The following PIP5KL1 variants were observed in gnomAD, a reference collection of about 807,000 sequenced individuals.
The protein encoded by PIP5KL1 is phosphatidylinositol-4-phosphate 5-kinase like 1.
PIP5KL1 carries 45 observed loss-of-function variants against 47.6 expected under a neutral mutation model. The ratio of observed to expected loss-of-function variants is 0.94; its 90% CI spans 0.74 to 1.21. PIP5KL1 has a LOEUF of 1.21. Among genes scored for constraint, PIP5KL1 ranks in the 50% most tolerant of loss-of-function variants. The pLI, the probability that PIP5KL1 is intolerant of heterozygous loss-of-function variation, is 0.00. For synonymous variants in PIP5KL1, 256 were observed against 234.6 expected (o/e 1.09, Z -0.84); for missense variants, 577 against 547.6 (o/e 1.05, Z -0.54).
rs772349523 is a variant in PIP5KL1, at chr9:127,928,031, T to TCCCACCCCTGC, written c.434+23_434+33dup. ...CTGCCCTCCCAGCCAGGGGTACCAC[T>TCCCACCCCTGC]CCCACCCCTGCCCCACCCCTGCCGC... On this transcript the variant is annotated intron_variant, in intron 4 of 9. Coordinates refer to ENST00000388747, the MANE Select transcript of PIP5KL1 (RefSeq NM_001135219.2). 7.4e-6 allele frequency: 11 copies of TCCCACCCCTGC among 1,496,458 alleles called. No individual in the cohort carries two copies. The East Asian group carries it at 1.7e-4, about 23-fold the overall frequency. The allele number at this position is 1,496,458 out of a possible 1,614,324, so 92.7% of individuals were successfully genotyped here. A position where few individuals can be genotyped will look rare whatever the true frequency, so the allele number is the denominator to read the frequency against.
chr9:127,925,067 C>G, intron 9 of PIP5KL1, 40 bp downstream of exon 9: 2 of 1,609,250 alleles, frequency 1.2e-6, no homozygotes, highest in South Asian at 2.2e-5. Context: ...CCCTTACTCT[C>G]ACCACCTCAA....
intron 9 of PIP5KL1, among the ~76,000 whole-genome samples, chr9:127,924,779 T>C (rs935722374): frequency 4.0e-5 from 6 of 151,306 alleles, no homozygotes; most frequent in Non-Finnish European, 4.4e-5. Context: ...TCACCAAAGC[T>C]CTTCTCCAAC....
At chr9:127,924,523 G>A (rs1831331789) in intron 9 of PIP5KL1, among the ~76,000 whole-genome samples, 1 of 151,260 alleles carries the variant, frequency 6.6e-6, no homozygotes, top group Non-Finnish European at 1.5e-5. Flanking sequence ...CAGGCATGGT[G>A]GGGATGCCTG....
intron 9 of PIP5KL1, among the ~76,000 whole-genome samples, chr9:127,923,235 TC>T (rs149007539): frequency 2.0e-4 from 31 of 152,312 alleles, no homozygotes; most frequent in African/African-American, 7.0e-4. Context: ...TCCTGTCCTG[TC>T]TGGGTCTCGG....
Position 127,925,727 on chromosome 9 carries a change from G to C in PIP5KL1, c.763+140C>G, listed in dbSNP as rs139394401. ...AATCCACCTGTCTCGGCCTCCCAAA[G>C]TGCTGGAATTACAGGCGTGAGCCAC... On this transcript the variant is annotated intron_variant, in intron 8 of 9. Transcript: ENST00000388747. 5.1e-5 allele frequency: 37 copies of C among 720,322 alleles called. No homozygotes were observed. In the East Asian group the frequency reaches 9.9e-4, roughly 19 times the overall value. 44.6% of individuals were successfully genotyped at this position (720,322 alleles called of 1,614,324 possible). A position where few individuals can be genotyped will look rare whatever the true frequency, so the allele number is the denominator to read the frequency against.
In PIP5KL1 at chr9:127,922,130, A is replaced by T. The variant is rs1260413096; in HGVS notation, c.918-16T>A. The T allele has an allele frequency of 3.4e-6, 5 of 1,469,772 alleles. No individual in the cohort carries two copies. Among genetic ancestry groups the T allele is most frequent in the Admixed American group, 2.3e-5 (1 of 43,008 alleles). The allele number at this position is 1,469,772 out of a possible 1,614,324, so 91.0% of individuals were successfully genotyped here. ...TTGCACAGACCTGGGGGCCGACAGG[A>T]GGGTGAAGCTGCCAGCTCCTCCAGG... On this transcript the variant is annotated splice_polypyrimidine_tract_variant and intron_variant, in intron 9 of 9. Transcript: ENST00000388747.
chr9:127,926,542 G>GCA (rs1362769855), intron 7 of PIP5KL1, among the ~76,000 whole-genome samples: 3 of 152,208 alleles, frequency 2.0e-5, no homozygotes, highest in Non-Finnish European at 4.4e-5. Context: ...CAAGCGTGAC[G>GCA]CACCATGCCC....
intron 8 of PIP5KL1, 123 bp downstream of exon 8, chr9:127,925,744 G>A (rs534312470): frequency 4.2e-5 from 35 of 824,490 alleles, no homozygotes; most frequent in Admixed American, 3.6e-4. Flanking sequence ...AATTACAGGC[G>A]TGAGCCACGG....
intron 9 of PIP5KL1, among the ~76,000 whole-genome samples, chr9:127,923,229 G>A (rs1037792581): frequency 6.6e-6 from 1 of 152,182 alleles, no homozygotes; most frequent in African/African-American, 2.4e-5. Context: ...CTTTAATCCT[G>A]TCCTGTCTGG....
rs1410253538 is a variant in PIP5KL1 at position 127,921,677 on chromosome 9, G to C, written c.*170C>G. On this transcript the variant is annotated 3_prime_UTR_variant, in exon 10 of 10. Transcript: ENST00000388747. Reference sequence around the variant, plus strand: ...GTAGGGGAGTCCTTGGCACGATGCTGGGCACGGCACCACCGTCAAACGGGA... The same window carrying C: ...GTAGGGGAGTCCTTGGCACGATGCTCGGCACGGCACCACCGTCAAACGGGA... 3 of 913,076 alleles carry C rather than the reference G, an allele frequency of 3.3e-6. No homozygotes were observed. The Admixed American group carries it at 8.8e-5, about 27-fold the overall frequency. 56.6% of individuals were successfully genotyped at this position (913,076 alleles called of 1,614,324 possible).
At chr9:127,928,944 C>T (rs890900188) in intron 2 of PIP5KL1, among the ~76,000 whole-genome samples, 1 of 152,118 alleles carries the variant, frequency 6.6e-6, no homozygotes, top group Non-Finnish European at 1.5e-5. Context: ...GTGCTCGCAC[C>T]AGTAGAAACA....
rs755255034 is a variant in PIP5KL1 at position 127,929,833 on chromosome 9, C to T, written c.83G>A (p.Arg28Gln). ...GTCTCGGAGGCGCCAGAGAAGCCCC[C>T]GCCGGCTGGAGGTGACTGCTCTGCA... ...AGCRAVTSSR[R>Q]GLLWRLRDKQ... Residue 28 changes from arginine (R) to glutamine (Q), a missense_variant, in exon 2 of 10, where the codon CGG becomes CAG. By Grantham distance (43) the Arg-to-Gln change is conservative. Coordinates refer to ENST00000388747, the MANE Select transcript of PIP5KL1 (RefSeq NM_001135219.2). The surrounding 1 kb of genome is among the most constrained non-coding windows in gnomAD (Gnocchi z 4.0). 2.6e-5 allele frequency: 40 copies of T among 1,547,486 alleles called. No homozygotes were observed. The highest frequency in any genetic ancestry group is 1.5e-4 in the African/African-American group (11 of 72,886).
At chr9:127,928,354 A>C in intron 3 of PIP5KL1, 79 bp downstream of exon 3, 3 of 1,543,578 alleles carry the variant, frequency 1.9e-6, no homozygotes, top group Non-Finnish European at 2.6e-6. Flanking sequence ...CTTCACTCCC[A>C]CTGCACAGAT....
At chr9:127,928,517 C>A in intron 2 of PIP5KL1, 34 bp from the exon 3 acceptor site, 1 of 1,543,398 alleles carries the variant, frequency 6.5e-7, no homozygotes, top group Non-Finnish European at 8.7e-7. Flanking sequence ...CAGGGCAACC[C>A]TCAGTCCCCT....
chr9:127,924,917 C>T (rs1255667544), intron 9 of PIP5KL1, among the ~76,000 whole-genome samples, 190 bp downstream of exon 9: 1 of 152,006 alleles, frequency 6.6e-6, no homozygotes, highest in Non-Finnish European at 1.5e-5. Flanking sequence ...CACATGCACG[C>T]ACACACACGC....
intron 9 of PIP5KL1, among the ~76,000 whole-genome samples, chr9:127,924,881 C>A (rs1349252109): frequency 1.3e-5 from 2 of 152,080 alleles, no homozygotes; most frequent in Non-Finnish European, 2.9e-5. Flanking sequence ...TCTACACACA[C>A]ACACACGCAC....
intron 9 of PIP5KL1, among the ~76,000 whole-genome samples, chr9:127,923,893 G>C (rs920796164): frequency 6.6e-6 from 1 of 152,176 alleles, no homozygotes. Flanking sequence ...TCTGCTTCCC[G>C]AGCCTCAGTT....
At chr9:127,925,337 C>T (rs910110514) in intron 8 of PIP5KL1, 77 bp from the exon 9 acceptor site, 2 of 1,505,672 alleles carry the variant, frequency 1.3e-6, no homozygotes, top group South Asian at 1.2e-5. Context: ...TGCCCCGTGA[C>T]AGCATGTGGC....
In PIP5KL1 at chr9:127,929,517, C is replaced by T. The variant is rs1465941252; in HGVS notation, c.228+171G>A. On this transcript the variant is annotated intron_variant, in intron 2 of 9. Coordinates refer to ENST00000388747, the MANE Select transcript of PIP5KL1 (RefSeq NM_001135219.2). The surrounding 1 kb of genome is among the most constrained non-coding windows in gnomAD (Gnocchi z 4.0). ...CTGAGTCAGGGGGTTCCTCACACCC[C>T]CAACGCACCCCAGACGTTCCAGCTC... is the stretch of plus-strand genomic sequence containing the variant. 1.6e-4 allele frequency among the ~76,000 whole-genome samples: 25 copies of T among 152,034 alleles called. No individual in the cohort carries two copies. Among genetic ancestry groups the T allele is most frequent in the Admixed American group, 1.6e-3 (25 of 15,250 alleles).
Sources: allele counts gnomAD v4.1 joint callset (sites outside exome capture counted in the v4.1 genomes callset), GRCh38; gene constraint gnomAD v4.1.1; non-coding constraint Gnocchi (gnomAD v3.1); transcripts MANE v1.5; gene names NCBI Gene and HGNC (gene_info 2026-07-23, HGNC 2026-07-21).